EEF2K: variants seen among roughly 807,000 people sequenced by gnomAD.
EEF2K encodes alternative protein EEF2K.
A neutral mutation model predicts 93.8 loss-of-function variants in EEF2K; 70 were observed. The ratio of observed to expected loss-of-function variants is 0.75; its 90% CI spans 0.62 to 0.91. The LOEUF is 0.91. EEF2K is among the 40% of genes least tolerant of loss of function. The pLI is 0.00. For missense variants in EEF2K, 935 were observed against 972.9 expected (o/e 0.96, Z 0.52); for synonymous variants, 376 against 380.8 (o/e 0.99, Z 0.15).
rs947963435 is a variant in EEF2K, at chr16:22,264,198, A to G, written c.1378-620A>G. Among the ~76,000 whole-genome samples the G allele has an allele frequency of 1.8e-4, 26 of 147,564 alleles. 1 individual carries two copies. The highest frequency in any genetic ancestry group is 1.3e-3 in the East Asian group (6 of 4,792). ...TCCCAGCTACTCAGGAAGCCGAGGC[A>G]TGAGAATCACTTGAGCCTGGGAGGT... On this transcript the variant is annotated intron_variant, in intron 12 of 17. Coordinates refer to ENST00000263026, the MANE Select transcript of EEF2K (RefSeq NM_013302.5).
At position 22,246,515 on chromosome 16, in the gene EEF2K, TAAAAAAAAAAAA is replaced by T. The variant is rs746408835; in HGVS notation, c.347+1799_347+1810del. Among the ~76,000 whole-genome samples, 49 of 70,508 alleles carry T rather than the reference TAAAAAAAAAAAA, an allele frequency of 6.9e-4. 1 individual carries two copies. The highest frequency in any genetic ancestry group is 2.9e-3 in the African/African-American group (47 of 15,960). 46.3% of individuals were successfully genotyped at this position (70,508 alleles called of 152,430 possible). On this transcript the variant is annotated intron_variant, in intron 3 of 17. Transcript: ENST00000263026. ...TGGGTGACAGAGTGAGACTCAGTCTTAAAAAAAAAAAAAAAAAAAAAAAAAGACGTCACTTTG... is the reference window on the plus strand; with the variant it reads ...TGGGTGACAGAGTGAGACTCAGTCTTAAAAAAAAAAAAAGACGTCACTTTG...
chr16:22,218,881 G>A (rs1156700855), intron 1 of EEF2K, among the ~76,000 whole-genome samples: 2 of 149,442 alleles, frequency 1.3e-5, no homozygotes, highest in African/African-American at 5.0e-5. Context: ...TCCCCAGCAC[G>A]TTGGAAGGCC....
At chr16:22,264,252 G>A (rs999957111) in intron 12 of EEF2K, among the ~76,000 whole-genome samples, 3 of 132,394 alleles carry the variant, frequency 2.3e-5, no homozygotes, top group South Asian at 4.9e-4. Context: ...AGGTCATGCC[G>A]CTGCACTCCA....
intron 2 of EEF2K, among the ~76,000 whole-genome samples, chr16:22,232,868 A>G (rs2047129611): frequency 6.7e-6 from 1 of 149,102 alleles, no homozygotes; most frequent in Admixed American, 6.8e-5. Flanking sequence ...TCAGCATCCC[A>G]TAAACCTAAG....
At chr16:22,258,853 A>G (rs2047435701) in intron 10 of EEF2K, 158 bp downstream of exon 10, 1 of 901,398 alleles carries the variant, frequency 1.1e-6, no homozygotes, top group African/African-American at 1.7e-5. Context: ...TGAACTTTCA[A>G]AACAGATCAT....
At chr16:22,266,594 C>G in intron 14 of EEF2K, 70 bp downstream of exon 14, 1 of 1,597,458 alleles carries the variant, frequency 6.3e-7, no homozygotes, top group African/African-American at 1.3e-5. Flanking sequence ...GCCTCTCCTC[C>G]GCTAATCACT....
At position 22,209,080 on chromosome 16, in the gene EEF2K, G is replaced by A. The variant is rs1026853364; in HGVS notation, c.-77+2401G>A. 9.8e-5 allele frequency among the ~76,000 whole-genome samples: 15 copies of A among 152,312 alleles called. No individual in the cohort carries two copies. In the East Asian group the frequency reaches 1.2e-3, roughly 12 times the overall value. On this transcript the variant is annotated intron_variant, in intron 1 of 17. Coordinates refer to ENST00000263026, the MANE Select transcript of EEF2K (RefSeq NM_013302.5). ...GTCTTGCTCTGTTGCCCAGGCTGGAGTGCAGTAGTGTGATCTCAGCTCACT... is the reference window on the plus strand; with the variant it reads ...GTCTTGCTCTGTTGCCCAGGCTGGAATGCAGTAGTGTGATCTCAGCTCACT...
intron 10 of EEF2K, 112 bp from the exon 11 acceptor site, chr16:22,260,350 T>TA (rs35233038): frequency 0.036 from 30,393 of 849,530 alleles, no homozygotes; most frequent in Non-Finnish European, 0.041. Flanking sequence ...CTTTAAAGCT[T>TA]AAAAAAAAAA....
intron 2 of EEF2K, among the ~76,000 whole-genome samples, chr16:22,229,435 C>A (rs2047094702): frequency 1.3e-5 from 2 of 152,176 alleles, no homozygotes. Flanking sequence ...CGGGGAGAAG[C>A]CGGGCGCGGT....
chr16:22,236,741 T>A (rs1337601440), intron 2 of EEF2K, among the ~76,000 whole-genome samples: 1 of 151,834 alleles, frequency 6.6e-6, no homozygotes, highest in African/African-American at 2.4e-5. Flanking sequence ...ACTCCTGGCA[T>A]ACTCGATGAA....
intron 2 of EEF2K, among the ~76,000 whole-genome samples, chr16:22,242,583 AT>A (rs908801762): frequency 2.6e-5 from 4 of 151,576 alleles, no homozygotes; most frequent in Non-Finnish European, 5.9e-5. Flanking sequence ...AAGTGCTGGG[AT>A]TACAGGCGTG....
rs577974120 is a variant in EEF2K, at chr16:22,237,117, A to G, written c.247-7513A>G. Among the ~76,000 whole-genome samples the G allele has an allele frequency of 2.0e-5, 3 of 150,332 alleles. No individual in the cohort carries two copies. In the South Asian group the frequency reaches 6.3e-4, roughly 32 times the overall value. On this transcript the variant is annotated intron_variant, in intron 2 of 17. Transcript: ENST00000263026. ...ACGTCACCACGCCCAGCTAATTTTT[A>G]TATTTTTTGTAGAGAGGGGGTTTCA...
At chr16:22,233,767 T>TA (rs1339234120) in intron 2 of EEF2K, among the ~76,000 whole-genome samples, 1 of 152,148 alleles carries the variant, frequency 6.6e-6, no homozygotes, top group Non-Finnish European at 1.5e-5. Context: ...TCACCTTATT[T>TA]AAAAAAATTT....
In EEF2K at chr16:22,259,985, TC is replaced by T. The variant is rs374824800; in HGVS notation, c.1232-476del. On this transcript the variant is annotated intron_variant, in intron 10 of 17. Transcript: ENST00000263026. ...CCAGATTGGTCTTGAACTCCTGACC[TC>T]AGGTGATCCACCTGCCTCGGCCTCC... Among the ~76,000 whole-genome samples the T allele has an allele frequency of 7.8e-4, 119 of 152,286 alleles. 3 individuals carry two copies. The South Asian group carries it at 0.024, about 31-fold the overall frequency.
intron 16 of EEF2K, 102 bp downstream of exon 16, chr16:22,273,852 C>T: frequency 6.6e-7 from 1 of 1,511,750 alleles, no homozygotes; most frequent in Non-Finnish European, 8.8e-7. Flanking sequence ...CTTGGCTGCC[C>T]CATGACCAGT....
intron 6 of EEF2K, among the ~76,000 whole-genome samples, chr16:22,252,445 A>C (rs1290895917): frequency 6.6e-6 from 1 of 152,152 alleles, no homozygotes; most frequent in Non-Finnish European, 1.5e-5. Flanking sequence ...CAGAAGTTCC[A>C]ATAAAAGTCC....
intron 2 of EEF2K, among the ~76,000 whole-genome samples, chr16:22,238,058 G>A (rs1051819426): frequency 6.6e-6 from 1 of 152,186 alleles, no homozygotes; most frequent in Non-Finnish European, 1.5e-5. Context: ...GGGAGGCCAA[G>A]GTGAGTGGAT....
At chr16:22,243,240 G>C (rs542946805) in intron 2 of EEF2K, among the ~76,000 whole-genome samples, 2 of 145,096 alleles carry the variant, frequency 1.4e-5, no homozygotes, top group Non-Finnish European at 3.0e-5. Context: ...CACCAGAGAT[G>C]CAGCCTATTT....
At chr16:22,224,759 C>T (rs1598166760) in intron 1 of EEF2K, among the ~76,000 whole-genome samples, 1 of 152,146 alleles carries the variant, frequency 6.6e-6, no homozygotes, top group African/African-American at 2.4e-5. Context: ...TCAAGACCAG[C>T]TTAGCCAACA....
Sources: gnomAD v4.1 joint callset for allele counts (sites outside exome capture counted in the v4.1 genomes callset) on GRCh38, gnomAD v4.1.1 for gene constraint, MANE v1.5 for transcripts, NCBI Gene and HGNC (gene_info 2026-07-23, HGNC 2026-07-21) for gene names.